The following CACNA2D3 variants were observed in gnomAD, a reference collection of about 807,000 sequenced individuals.
CACNA2D3 encodes the protein voltage-dependent calcium channel subunit alpha-2/delta-3.
In CACNA2D3, 60 loss-of-function variants were observed where a neutral mutation model predicts 160.6. The observed-to-expected ratio is 0.37, with a 90% CI of 0.30 to 0.46. The LOEUF is 0.46. CACNA2D3 is among the 20% of genes least tolerant of loss of function. CACNA2D3 has a pLI of 1.00. For missense variants in CACNA2D3, 1,205 were observed against 1,365.0 expected (o/e 0.88, Z 1.85); for synonymous variants, 558 against 492.9 (o/e 1.13, Z -1.75).
intron 3 of CACNA2D3, among the ~76,000 whole-genome samples, chr3:54,349,727 T>C (rs1049568262): frequency 6.6e-5 from 10 of 152,220 alleles, no homozygotes; most frequent in African/African-American, 2.4e-4. Context: ...CTTCCCATGA[T>C]AGCAGGCCCA....
At chr3:54,918,400 C>T in intron 27 of CACNA2D3, 1 of 1,400,982 alleles carries the variant, frequency 7.1e-7, no homozygotes, top group Non-Finnish European at 9.8e-7. Context: ...AACACATCAG[C>T]CCTACTCAGA....
chr3:54,180,427 A>G (rs1310327956), intron 2 of CACNA2D3, among the ~76,000 whole-genome samples: 1 of 152,198 alleles, frequency 6.6e-6, no homozygotes, highest in African/African-American at 2.4e-5. Context: ...GAGTGCTACC[A>G]TCTGCATTTC....
rs148229969 is a variant in CACNA2D3 at position 54,516,184 on chromosome 3, G to A, written c.544+12530G>A. 2.4e-3 allele frequency among the ~76,000 whole-genome samples: 362 copies of A among 152,296 alleles called. 2 individuals carry two copies. Among genetic ancestry groups the A allele is most frequent in the African/African-American group, 8.3e-3 (346 of 41,552 alleles). On this transcript the variant is annotated intron_variant, in intron 5 of 37. Coordinates refer to ENST00000474759, the MANE Select transcript of CACNA2D3 (RefSeq NM_018398.3). ...GTGCCCTCTCTCAGGGATGTTCTCTGCTCAGGGCCACCAGTTCCTTAAGAT... is the reference window on the plus strand; with the variant it reads ...GTGCCCTCTCTCAGGGATGTTCTCTACTCAGGGCCACCAGTTCCTTAAGAT...
intron 5 of CACNA2D3, among the ~76,000 whole-genome samples, chr3:54,532,875 A>T (rs1052586078): frequency 6.6e-6 from 1 of 152,178 alleles, no homozygotes; most frequent in African/African-American, 2.4e-5. Context: ...AGAAATTTTC[A>T]TACTGTTTTC....
intron 27 of CACNA2D3, among the ~76,000 whole-genome samples, chr3:54,955,711 G>T (rs1419479094): frequency 2.6e-5 from 4 of 152,246 alleles, no homozygotes; most frequent in African/African-American, 9.6e-5. Context: ...GCTCTCCCCT[G>T]AGGCCTCTGT....
chr3:54,984,032 AAC>A (rs2107101389), intron 29 of CACNA2D3, among the ~76,000 whole-genome samples: 1 of 152,304 alleles, frequency 6.6e-6, no homozygotes, highest in South Asian at 2.1e-4. Context: ...CCCAATTAAA[AAC>A]ACAGTTTGAA....
At chr3:54,343,053 C>A (rs1001370337) in intron 3 of CACNA2D3, among the ~76,000 whole-genome samples, 2 of 152,206 alleles carry the variant, frequency 1.3e-5, no homozygotes, top group Non-Finnish European at 2.9e-5. Flanking sequence ...TCCTTGCTGC[C>A]CAAAGTGACC....
chr3:54,754,825 G>C (rs1701940994), intron 12 of CACNA2D3, among the ~76,000 whole-genome samples: 1 of 152,086 alleles, frequency 6.6e-6, no homozygotes, highest in South Asian at 2.1e-4. Flanking sequence ...GATGGCCTAA[G>C]ACAAAGTTGT....
chr3:54,822,750 C>CTTTCTT (rs1553874080), intron 14 of CACNA2D3, among the ~76,000 whole-genome samples: 2 of 71,182 alleles, frequency 2.8e-5, no homozygotes, highest in African/African-American at 5.9e-5. Flanking sequence ...TTCTTTCTTT[C>CTTTCTT]TTTCTTTCTT....
intron 19 of CACNA2D3, 106 bp from the exon 20 acceptor site, chr3:54,879,244 C>T (rs1024965181): frequency 1.1e-6 from 1 of 917,722 alleles, no homozygotes. Context: ...GTACTGTTAA[C>T]CTGATCATAG....
At chr3:54,478,645 T>G (rs1700871628) in intron 4 of CACNA2D3, among the ~76,000 whole-genome samples, 1 of 136,946 alleles carries the variant, frequency 7.3e-6, no homozygotes, top group Non-Finnish European at 1.6e-5. Context: ...AAAATATATA[T>G]ATAAATATGT....
intron 31 of CACNA2D3, among the ~76,000 whole-genome samples, chr3:54,990,690 G>A (rs1702719422): frequency 6.6e-6 from 1 of 152,050 alleles, no homozygotes; most frequent in Non-Finnish European, 1.5e-5. Flanking sequence ...TCTCTCCAGG[G>A]AAGCAAGGTG....
chr3:54,506,944 A>G (rs890112197), intron 5 of CACNA2D3, among the ~76,000 whole-genome samples: 13 of 152,208 alleles, frequency 8.5e-5, no homozygotes, highest in African/African-American at 3.1e-4. Flanking sequence ...TTCTCAACTG[A>G]AGTGCTGTAA....
At chr3:54,810,679 A>G (rs1466262588) in intron 13 of CACNA2D3, among the ~76,000 whole-genome samples, 6 of 152,282 alleles carry the variant, frequency 3.9e-5, no homozygotes, top group African/African-American at 1.2e-4. Context: ...TGGTCTTTAC[A>G]TATTTCACAG....
chr3:54,587,586 T>A (rs920121746), intron 9 of CACNA2D3, among the ~76,000 whole-genome samples: 1 of 151,162 alleles, frequency 6.6e-6, no homozygotes, highest in Non-Finnish European at 1.5e-5. Flanking sequence ...TTTAAAAAAA[T>A]AAAAAGAGAG....
intron 11 of CACNA2D3, among the ~76,000 whole-genome samples, chr3:54,655,042 G>T (rs1446707464): frequency 2.0e-5 from 3 of 152,202 alleles, no homozygotes; most frequent in Non-Finnish European, 4.4e-5. Flanking sequence ...GCCTCACAGA[G>T]CCCAATCCAA....
intron 9 of CACNA2D3, among the ~76,000 whole-genome samples, chr3:54,604,399 G>A (rs1703120416): frequency 1.3e-5 from 2 of 152,158 alleles, no homozygotes. Context: ...TCTCAGCCCT[G>A]CCTACTCAGG....
At chr3:54,295,353 T>C (rs1274391309) in intron 2 of CACNA2D3, among the ~76,000 whole-genome samples, 1 of 152,178 alleles carries the variant, frequency 6.6e-6, no homozygotes, top group East Asian at 1.9e-4. Flanking sequence ...GAAACAGGTC[T>C]CAGTGAATTT....
chr3:54,170,285 G>A (rs1700539434), intron 2 of CACNA2D3, among the ~76,000 whole-genome samples: 1 of 151,886 alleles, frequency 6.6e-6, no homozygotes, highest in African/African-American at 2.4e-5. Flanking sequence ...GAGACCCAGA[G>A]AAGACCAGGA....
Sources: allele counts gnomAD v4.1 joint callset (sites outside exome capture counted in the v4.1 genomes callset), GRCh38; gene constraint gnomAD v4.1.1; transcripts MANE v1.5; gene names NCBI Gene and HGNC (gene_info 2026-07-23, HGNC 2026-07-21).